The following FAM107B variants were observed in gnomAD, a reference collection of about 807,000 sequenced individuals.
The protein encoded by FAM107B is protein FAM107B.
Under a neutral mutation model 31.5 loss-of-function variants are expected in FAM107B, and 21 were observed. The ratio of observed to expected loss-of-function variants is 0.67; its 90% CI spans 0.47 to 0.96. FAM107B has a LOEUF of 0.96. Among genes scored for constraint, FAM107B ranks in the 40% least tolerant of loss-of-function variants. FAM107B has a pLI of 0.00. For missense variants in FAM107B, 452 were observed against 377.1 expected, an observed-to-expected ratio of 1.20 and a Z score of -1.64; for synonymous variants, 157 against 141.5, an observed-to-expected ratio of 1.11 and a Z score of -0.78.
intron 1 of FAM107B, among the ~76,000 whole-genome samples, chr10:14,762,369 G>A (rs75831648): frequency 0.035 from 5,315 of 152,288 alleles, 298 homozygotes; most frequent in African/African-American, 0.12. Flanking sequence ...GGGCTACAGT[G>A]TTTCACAGGA....
At chr10:14,711,449 C>A (rs774075131) in intron 1 of FAM107B, among the ~76,000 whole-genome samples, 1 of 152,150 alleles carries the variant, frequency 6.6e-6, no homozygotes, top group Non-Finnish European at 1.5e-5. Context: ...CAAATACTTA[C>A]CATCGTGTTA....
At chr10:14,677,649 A>G (rs1314419280) in intron 1 of FAM107B, among the ~76,000 whole-genome samples, 3 of 152,074 alleles carry the variant, frequency 2.0e-5, no homozygotes, top group Admixed American at 6.5e-5. Context: ...AAAAAAAGCT[A>G]CAGATACCAG....
chr10:14,664,913 A>C (rs570191113), intron 2 of FAM107B, among the ~76,000 whole-genome samples: 11 of 152,366 alleles, frequency 7.2e-5, no homozygotes, highest in African/African-American at 2.6e-4. Context: ...AATGAACTAC[A>C]ACTAGAAACA....
intron 2 of FAM107B, among the ~76,000 whole-genome samples, chr10:14,658,376 C>T (rs1049451311): frequency 1.3e-5 from 2 of 152,220 alleles, no homozygotes; most frequent in African/African-American, 4.8e-5. Context: ...CAAAGGAAGT[C>T]TATTTAGCAT....
chr10:14,672,937 G>T (rs888320403), intron 1 of FAM107B, among the ~76,000 whole-genome samples: 5 of 152,142 alleles, frequency 3.3e-5, no homozygotes, highest in African/African-American at 9.7e-5. Context: ...GAAGCAAAAA[G>T]GTAGTTTGTT....
intron 2 of FAM107B, among the ~76,000 whole-genome samples, chr10:14,544,470 G>A (rs918995400): frequency 2.6e-5 from 4 of 152,046 alleles, no homozygotes; most frequent in African/African-American, 9.7e-5. Flanking sequence ...TCCCACCAAA[G>A]CCCAAATACA....
chr10:14,629,736 A>C (rs574990485), intron 2 of FAM107B, among the ~76,000 whole-genome samples: 61 of 150,262 alleles, frequency 4.1e-4, no homozygotes, highest in Admixed American at 3.6e-3. Flanking sequence ...GATGGTCTTG[A>C]TCTCCTGACC....
rs138494397 is a variant in FAM107B, at chr10:14,582,508, C to G, written c.470-51993G>C. Among the ~76,000 whole-genome samples, 1,379 of 151,072 alleles carry G rather than the reference C, an allele frequency of 9.1e-3. 29 individuals are homozygous for G. The highest frequency in any genetic ancestry group is 0.031 in the African/African-American group (1,281 of 41,214). On this transcript the variant is annotated intron_variant, in intron 2 of 4. Transcript: ENST00000181796. ...TCTCCTGCCTCAGCCTCCCGAGTAG[C>G]TGGGACTAACAGGCGCCTGCCACCA...
chr10:14,692,964 C>G lies in FAM107B; in HGVS notation c.412-25273G>C, dbSNP rs556858261. Among the ~76,000 whole-genome samples the G allele has an allele frequency of 4.5e-4, 68 of 152,296 alleles. No individual in the cohort carries two copies. In the South Asian group the frequency reaches 0.013, roughly 30 times the overall value. ...TCAAGAGATCATTCCGTGCACAGGG[C>G]TATGACGATCCATGCAAAAATCGCA... On this transcript the variant is annotated intron_variant, in intron 1 of 4. Coordinates refer to ENST00000181796, the MANE Select transcript of FAM107B (RefSeq NM_031453.4).
chr10:14,694,256 A>G (rs1855213579), intron 1 of FAM107B, among the ~76,000 whole-genome samples: 1 of 152,180 alleles, frequency 6.6e-6, no homozygotes, highest in Non-Finnish European at 1.5e-5. Flanking sequence ...GCTAGGGCAT[A>G]TGGTAGTTCT....
At chr10:14,609,744 T>A (rs1239098640) in intron 2 of FAM107B, among the ~76,000 whole-genome samples, 1 of 152,126 alleles carries the variant, frequency 6.6e-6, no homozygotes, top group Admixed American at 6.5e-5. Context: ...ACTGGAGAAG[T>A]TGTGTGTATA....
chr10:14,698,990 A>G (rs1436333219), intron 1 of FAM107B, among the ~76,000 whole-genome samples: 4 of 152,148 alleles, frequency 2.6e-5, no homozygotes, highest in Admixed American at 1.3e-4. Context: ...GGTGACAAAA[A>G]TCTTGAGAAC....
At chr10:14,523,719 C>A (rs979903759) in intron 3 of FAM107B, among the ~76,000 whole-genome samples, 2 of 152,194 alleles carry the variant, frequency 1.3e-5, no homozygotes, top group Admixed American at 1.3e-4. Context: ...TCCACACAAT[C>A]ACATCTGTAA....
rs374638738 is a variant in FAM107B at position 14,761,559 on chromosome 10, C to T, written c.411+12694G>A. On this transcript the variant is annotated intron_variant, in intron 1 of 4. Transcript: ENST00000181796. ...TCTGGGTTTTGCCACTGAAAGCATG[C>T]TAATGATACAAGGAGGAAGTTTAGG... Among the ~76,000 whole-genome samples the T allele has an allele frequency of 2.9e-4, 44 of 152,190 alleles. No homozygotes were observed. The East Asian group carries it at 7.7e-3, about 27-fold the overall frequency.
intron 1 of FAM107B, among the ~76,000 whole-genome samples, chr10:14,735,557 T>C (rs1285208179): frequency 1.3e-5 from 2 of 152,204 alleles, no homozygotes; most frequent in Non-Finnish European, 2.9e-5. Context: ...CATTAACAGA[T>C]AAGCAAGAAC....
intron 2 of FAM107B, among the ~76,000 whole-genome samples, chr10:14,582,995 A>G (rs1195861492): frequency 1.3e-5 from 2 of 151,256 alleles, no homozygotes; most frequent in African/African-American, 4.9e-5. Context: ...CTAAGGCAGG[A>G]GAATTGCTTG....
chr10:14,560,232 CATTTGGA>C (rs1474918915), intron 2 of FAM107B, among the ~76,000 whole-genome samples: 1 of 151,856 alleles, frequency 6.6e-6, no homozygotes, highest in African/African-American at 2.4e-5. Context: ...TTTTCTTTCC[CATTTGGA>C]ACAAGTGCCC....
chr10:14,547,597 T>C (rs1463334909), intron 2 of FAM107B, among the ~76,000 whole-genome samples: 1 of 151,916 alleles, frequency 6.6e-6, no homozygotes, highest in Non-Finnish European at 1.5e-5. Context: ...CGGTGAGCAT[T>C]TCCTTTAAGC....
At chr10:14,669,519 T>C (rs1194941427) in intron 1 of FAM107B, among the ~76,000 whole-genome samples, 2 of 152,010 alleles carry the variant, frequency 1.3e-5, no homozygotes. Context: ...GATAAACGGA[T>C]AAATAAAGAA....
Sources: allele counts gnomAD v4.1 joint callset (sites outside exome capture counted in the v4.1 genomes callset), GRCh38; gene constraint gnomAD v4.1.1; transcripts MANE v1.5; gene names NCBI Gene and HGNC (gene_info 2026-07-23, HGNC 2026-07-21).